The following POMGNT2 variants were observed in gnomAD, a reference collection of about 807,000 sequenced individuals.
POMGNT2 encodes protein O-linked mannose N-acetylglucosaminyltransferase 2 (beta 1,4-).
POMGNT2 carries 32 observed loss-of-function variants against 37.8 expected under a neutral mutation model. The observed-to-expected ratio is 0.85, with a 90% CI of 0.64 to 1.14. The LOEUF (loss-of-function observed/expected upper bound fraction) is 1.14. Among genes scored for constraint, POMGNT2 ranks in the 50% most tolerant of loss-of-function variants. The pLI is 0.00. For missense variants in POMGNT2, 705 were observed against 780.6 expected (o/e 0.90, Z 1.15); for synonymous variants, 340 against 336.8 (o/e 1.01, Z -0.10).
intron 1 of POMGNT2, among the ~76,000 whole-genome samples, chr3:43,092,778 T>A (rs2089953365): frequency 1.3e-5 from 2 of 152,118 alleles, no homozygotes; most frequent in Non-Finnish European, 2.9e-5. Context: ...ACAAAATAAA[T>A]AAGTTAAAAA....
intron 1 of POMGNT2, among the ~76,000 whole-genome samples, chr3:43,099,942 G>A (rs1301816180): frequency 6.6e-6 from 1 of 152,118 alleles, no homozygotes; most frequent in East Asian, 1.9e-4. Flanking sequence ...TTATTTTATA[G>A]ATGGTAAAAA....
At chr3:43,082,866 C>T (rs1218579518) in intron 1 of POMGNT2, among the ~76,000 whole-genome samples, 1 of 152,144 alleles carries the variant, frequency 6.6e-6, no homozygotes, top group Non-Finnish European at 1.5e-5. Context: ...AGAAATTATC[C>T]CATGAAACAC....
chr3:43,092,647 G>A (rs554324218), intron 1 of POMGNT2, among the ~76,000 whole-genome samples: 2 of 152,316 alleles, frequency 1.3e-5, no homozygotes, highest in African/African-American at 2.4e-5. Context: ...TGACATGAAC[G>A]TGGTTTGCTC....
intron 1 of POMGNT2, among the ~76,000 whole-genome samples, chr3:43,105,039 T>A (rs1028665931): frequency 6.6e-6 from 1 of 152,228 alleles, no homozygotes; most frequent in Non-Finnish European, 1.5e-5. Context: ...GCTCGCCCCA[T>A]AACCCTGAAG....
At chr3:43,093,418 G>A (rs2125708500) in intron 1 of POMGNT2, among the ~76,000 whole-genome samples, 1 of 152,288 alleles carries the variant, frequency 6.6e-6, no homozygotes, top group East Asian at 1.9e-4. Flanking sequence ...CTCAGGCCCT[G>A]CCAGAATAGT....
At position 43,080,987 on chromosome 3, in the gene POMGNT2, C is replaced by A; in HGVS notation, c.445G>T (p.Val149Leu). Residue 149 changes from valine to leucine, a missense_variant, in exon 2 of 2, where the codon GTG (valine) becomes TTG (leucine). Transcript: ENST00000344697. The stretch of plus-strand genomic sequence containing the variant: ...TTGGCGATGAGGGCCACGTCTGGCA[C>A]GAACACCGGCTTGGGCATGAAGCGC... ...ALRFMPKPVF[V>L]PDVALIANRF... The A allele has an allele frequency of 1.9e-6, 3 of 1,614,212 alleles. No homozygotes were observed. The highest frequency in any genetic ancestry group is 2.5e-6 in the Non-Finnish European group (3 of 1,180,028).
At chr3:43,088,574 T>C (rs1296305641) in intron 1 of POMGNT2, among the ~76,000 whole-genome samples, 4 of 152,188 alleles carry the variant, frequency 2.6e-5, no homozygotes, top group African/African-American at 9.7e-5. Flanking sequence ...AGGTGGACTG[T>C]CAGCAGAGCC....
At chr3:43,083,838 A>C (rs1224384144) in intron 1 of POMGNT2, among the ~76,000 whole-genome samples, 1 of 152,192 alleles carries the variant, frequency 6.6e-6, no homozygotes. Flanking sequence ...CTGATGTTCC[A>C]GGTTTCCTTC....
chr3:43,099,284 C>T (rs547972401), intron 1 of POMGNT2, among the ~76,000 whole-genome samples: 2 of 152,234 alleles, frequency 1.3e-5, no homozygotes, highest in South Asian at 2.1e-4. Flanking sequence ...CAAAGAAACA[C>T]GAGGAAGTGT....
intron 1 of POMGNT2, among the ~76,000 whole-genome samples, chr3:43,083,907 C>T (rs1446986049): frequency 6.6e-6 from 1 of 152,182 alleles, no homozygotes; most frequent in African/African-American, 2.4e-5. Flanking sequence ...TTAAGGTCAA[C>T]TTCCTGGCAA....
rs143832191 is a variant in POMGNT2 at position 43,079,830 on chromosome 3, G to A, written c.1602C>T (p.Tyr534=). The A allele has an allele frequency of 4.2e-4, 681 of 1,614,214 alleles. No individual in the cohort carries two copies. The Middle Eastern group carries it at 6.6e-3, about 16-fold the overall frequency. ...TCTGCAGAGCCAGGATGTAAGGCAC[G>A]TAGGTGTTCTCCCCCTGCTCCTGCA... ...VWLQEQGENT[Y]VPYILALQNH... The change falls in exon 2 of 2, where the codon TAC becomes TAT. Residue 534 remains tyrosine, a synonymous_variant. Coordinates refer to ENST00000344697, the MANE Select transcript of POMGNT2 (RefSeq NM_032806.6).
Position 43,080,734 on chromosome 3 carries a change from A to C in POMGNT2, c.698T>G (p.Phe233Cys), listed in dbSNP as rs754126344. Residue 233 changes from phenylalanine to cysteine, a missense_variant, in exon 2 of 2, where the codon TTT (phenylalanine) becomes TGT (cysteine). Phe to Cys is a radical substitution (Grantham distance 205). Transcript: ENST00000344697. ...GGTAGTGATCTTGGAGAGGCCCACA[A>C]AAGCATGGGAGAAGCACAGCAGCCG... ...LGRLLCFSHA[F>C]VGLSKITTWY... The C allele has an allele frequency of 5.6e-6, 9 of 1,614,118 alleles. No individual in the cohort carries two copies. The highest frequency in any genetic ancestry group is 6.8e-6 in the Non-Finnish European group (8 of 1,180,034).
intron 1 of POMGNT2, among the ~76,000 whole-genome samples, chr3:43,097,193 G>A (rs1473589843): frequency 6.6e-6 from 1 of 152,210 alleles, no homozygotes; most frequent in Non-Finnish European, 1.5e-5. Flanking sequence ...GCCCAGAGTA[G>A]GAGGTGCACA....
chr3:43,101,774 C>A (rs2090020923), intron 1 of POMGNT2, among the ~76,000 whole-genome samples: 1 of 152,194 alleles, frequency 6.6e-6, no homozygotes, highest in Non-Finnish European at 1.5e-5. Context: ...TAAATAAATT[C>A]TGTTCCTACC....
intron 1 of POMGNT2, among the ~76,000 whole-genome samples, chr3:43,105,571 G>GC: frequency 7.1e-6 from 1 of 141,638 alleles, no homozygotes; most frequent in Non-Finnish European, 1.5e-5. Context: ...CCGGCCCCCG[G>GC]CCCCCGACCC....
chr3:43,081,747 G>A (rs1344814556), intron 1 of POMGNT2, among the ~76,000 whole-genome samples: 1 of 152,226 alleles, frequency 6.6e-6, no homozygotes, highest in African/African-American at 2.4e-5. Flanking sequence ...GTTGGAAAGT[G>A]CATCCCCACA....
At position 43,080,218 on chromosome 3, in the gene POMGNT2, G is replaced by A; in HGVS notation, c.1214C>T (p.Pro405Leu). ...GCCCCCCTGATCCCAGGGCCGCTCA[G>A]GGTGTGTGACTGTGTTCTCTGGCAT... Reference protein sequence around the residue: ...NMMPENTVTHPERPWDQGGIT... With the variant: ...NMMPENTVTHLERPWDQGGIT... The change falls in exon 2 of 2, where the codon CCT becomes CTT. Residue 405 changes from proline to leucine, a missense_variant. Physicochemically the swap from Pro to Leu is moderately conservative, Grantham distance 98. Coordinates refer to ENST00000344697, the MANE Select transcript of POMGNT2 (RefSeq NM_032806.6). 6.2e-7 allele frequency: 1 copy of A among 1,614,166 alleles called. No individual in the cohort carries two copies. The highest frequency in any genetic ancestry group is 1.1e-5 in the South Asian group (1 of 91,086).
In POMGNT2 at chr3:43,098,828, T is replaced by C. The variant is rs909731852; in HGVS notation, c.-106+7008A>G. Among the ~76,000 whole-genome samples, 4 of 152,142 alleles carry C rather than the reference T, an allele frequency of 2.6e-5. No individual in the cohort carries two copies. Among genetic ancestry groups the C allele is most frequent in the Non-Finnish European group, 4.4e-5 (3 of 68,028 alleles). On this transcript the variant is annotated intron_variant, in intron 1 of 1. Coordinates refer to ENST00000344697, the MANE Select transcript of POMGNT2 (RefSeq NM_032806.6). This position sits in a 1 kb window ranked among gnomAD's most constrained non-coding sequence, Gnocchi z 4.3. ...TGCTGAGGATAAACCAAGGCTTGAG[T>C]GTGGGGCAGGACGTTCGGCCTTCCA...
At chr3:43,102,597 G>A (rs2090027455) in intron 1 of POMGNT2, among the ~76,000 whole-genome samples, 1 of 152,214 alleles carries the variant, frequency 6.6e-6, no homozygotes, top group Non-Finnish European at 1.5e-5. Context: ...GAGAGGCGCT[G>A]TCTTAAGCCT....
Sources: gnomAD v4.1 joint callset for allele counts (sites outside exome capture counted in the v4.1 genomes callset) on GRCh38, gnomAD v4.1.1 for gene constraint, Gnocchi (gnomAD v3.1) non-coding constraint, MANE v1.5 for transcripts, NCBI Gene and HGNC (gene_info 2026-07-23, HGNC 2026-07-21) for gene names.